GPR176: variants seen among roughly 807,000 people sequenced by gnomAD.
The protein encoded by GPR176 is G-protein coupled receptor 176.
In GPR176, 26 loss-of-function variants were observed where a neutral mutation model predicts 35.4. The ratio of observed to expected loss-of-function variants is 0.74; its 90% CI spans 0.54 to 1.02. The LOEUF (loss-of-function observed/expected upper bound fraction) is 1.02. Ranked by LOEUF, GPR176 falls within the 50% of genes least tolerant of loss-of-function variation. The pLI is 0.00. For missense variants in GPR176, 597 were observed against 665.3 expected (o/e 0.90, Z 1.13); for synonymous variants, 278 against 271.3 (o/e 1.02, Z -0.24).
At chr15:39,832,549 AG>A (rs1191034767) in intron 1 of GPR176, among the ~76,000 whole-genome samples, 23 of 152,120 alleles carry the variant, frequency 1.5e-4, no homozygotes, top group African/African-American at 5.3e-4. Context: ...TCCAGCTTCT[AG>A]AGCAAGGGTG....
rs766705556 is a variant in GPR176 at position 39,920,020 on chromosome 15, G to A, written c.7C>T (p.His3Tyr). ...TTTGGAGAGATCCAGCTCCCGTTATGTCCCATGGCGAGGCTGGGACTCCGG... is the reference window on the plus strand; with the variant it reads ...TTTGGAGAGATCCAGCTCCCGTTATATCCCATGGCGAGGCTGGGACTCCGG... MGHNGSWISPNAS... is the reference protein window; with the variant it reads MGYNGSWISPNAS... Residue 3 changes from histidine to tyrosine, a missense_variant, in exon 1 of 3, where the codon CAT becomes TAT. His to Tyr is a moderately conservative substitution (Grantham distance 83). Coordinates refer to ENST00000561100, the MANE Select transcript of GPR176 (RefSeq NM_007223.3). The A allele has an allele frequency of 8.1e-6, 11 of 1,350,950 alleles. No individual in the cohort carries two copies. The South Asian group carries it at 1.8e-4, about 22-fold the overall frequency. The allele number at this position is 1,350,950 out of a possible 1,614,324, so 83.7% of individuals were successfully genotyped here.
intron 1 of GPR176, among the ~76,000 whole-genome samples, chr15:39,915,465 T>C (rs2033701867): frequency 6.6e-6 from 1 of 152,152 alleles, no homozygotes; most frequent in Non-Finnish European, 1.5e-5. Context: ...ACATATGAAT[T>C]TGAGGGGGAA....
At chr15:39,907,718 T>C (rs1193066736) in intron 1 of GPR176, among the ~76,000 whole-genome samples, 1 of 152,208 alleles carries the variant, frequency 6.6e-6, no homozygotes, top group African/African-American at 2.4e-5. Flanking sequence ...CATCGAACAG[T>C]GCCAATATTT....
At chr15:39,895,118 G>A (rs574458129) in intron 1 of GPR176, among the ~76,000 whole-genome samples, 10 of 152,334 alleles carry the variant, frequency 6.6e-5, no homozygotes, top group African/African-American at 2.4e-4. Flanking sequence ...TACTCGGCAG[G>A]CTGAGTCAGG....
chr15:39,868,404 A>C (rs1285752042), intron 1 of GPR176, among the ~76,000 whole-genome samples: 1 of 152,182 alleles, frequency 6.6e-6, no homozygotes, highest in Non-Finnish European at 1.5e-5. Context: ...TGTGAGTATC[A>C]GGCAGCTTCT....
At chr15:39,874,641 T>C (rs112077227) in intron 1 of GPR176, among the ~76,000 whole-genome samples, 8 of 152,380 alleles carry the variant, frequency 5.3e-5, no homozygotes, top group African/African-American at 1.9e-4. Flanking sequence ...TTATCATCTT[T>C]ACTTTCTTAA....
intron 1 of GPR176, among the ~76,000 whole-genome samples, chr15:39,914,022 G>A (rs573835694): frequency 6.6e-6 from 1 of 152,234 alleles, no homozygotes; most frequent in South Asian, 2.1e-4. Context: ...CTCCAGCCTG[G>A]ACAACAGAGT....
intron 1 of GPR176, among the ~76,000 whole-genome samples, chr15:39,913,141 T>C (rs1252340323): frequency 6.6e-6 from 1 of 152,240 alleles, no homozygotes; most frequent in Non-Finnish European, 1.5e-5. Context: ...AAAGTGCTAA[T>C]ATATGCTAAA....
intron 1 of GPR176, among the ~76,000 whole-genome samples, chr15:39,859,491 G>GAAAAAA (rs34571204): frequency 1.4e-5 from 2 of 143,704 alleles, no homozygotes; most frequent in Non-Finnish European, 1.5e-5. Flanking sequence ...TGGCCACTGT[G>GAAAAAA]AAAAAAAAAA....
chr15:39,881,047 A>G (rs1430178875), intron 1 of GPR176, among the ~76,000 whole-genome samples: 2 of 152,058 alleles, frequency 1.3e-5, no homozygotes, highest in Non-Finnish European at 2.9e-5. Context: ...AGCCAGTTCC[A>G]TCTTGTGGGA....
chr15:39,916,924 A>G (rs767717483), intron 1 of GPR176, among the ~76,000 whole-genome samples: 53 of 152,224 alleles, frequency 3.5e-4, no homozygotes, highest in Admixed American at 2.9e-3. Flanking sequence ...AGACATTATC[A>G]GAATTCTAAT....
At chr15:39,858,616 A>G (rs1000951475) in intron 1 of GPR176, among the ~76,000 whole-genome samples, 5 of 152,176 alleles carry the variant, frequency 3.3e-5, no homozygotes, top group Admixed American at 2.0e-4. Flanking sequence ...GGGAAGCTGA[A>G]GAGGGAGGAT....
chr15:39,807,632 C>A (rs529271267), intron 1 of GPR176: 5 of 892,284 alleles, frequency 5.6e-6, no homozygotes, highest in African/African-American at 1.6e-5. Context: ...AACTCTGCAA[C>A]AGAAATACAG....
At chr15:39,917,127 C>A (rs1269180427) in intron 1 of GPR176, among the ~76,000 whole-genome samples, 1 of 151,786 alleles carries the variant, frequency 6.6e-6, no homozygotes, top group Non-Finnish European at 1.5e-5. Flanking sequence ...ACTAAAAATG[C>A]AAAAACTTAG....
chr15:39,875,920 CAT>C (rs35699619), intron 1 of GPR176, among the ~76,000 whole-genome samples: 69 of 148,548 alleles, frequency 4.6e-4, no homozygotes, highest in African/African-American at 1.6e-3. Flanking sequence ...ATGTTTAACT[CAT>C]ATATATATAT....
At chr15:39,854,682 C>T (rs1212493476) in intron 1 of GPR176, among the ~76,000 whole-genome samples, 2 of 152,162 alleles carry the variant, frequency 1.3e-5, no homozygotes, top group Admixed American at 1.3e-4. Context: ...TAGAGGAAGA[C>T]TCAACAGTGT....
chr15:39,883,454 G>A (rs1290259611), intron 1 of GPR176, among the ~76,000 whole-genome samples: 1 of 152,128 alleles, frequency 6.6e-6, no homozygotes, highest in African/African-American at 2.4e-5. Context: ...AATTCAAATA[G>A]TTTGGGGTAT....
chr15:39,868,332 G>T (rs1160115038), intron 1 of GPR176, among the ~76,000 whole-genome samples: 1 of 152,154 alleles, frequency 6.6e-6, no homozygotes, highest in East Asian at 1.9e-4. Flanking sequence ...CAGCAGAGTG[G>T]TTTTTCTCAA....
At chr15:39,855,681 A>G (rs901905823) in intron 1 of GPR176, among the ~76,000 whole-genome samples, 5 of 152,196 alleles carry the variant, frequency 3.3e-5, no homozygotes, top group African/African-American at 1.2e-4. Flanking sequence ...TCTGTTTAGT[A>G]ACTCAGTTGA....
Sources: allele counts gnomAD v4.1 joint callset (sites outside exome capture counted in the v4.1 genomes callset), GRCh38; gene constraint gnomAD v4.1.1; transcripts MANE v1.5; gene names NCBI Gene and HGNC (gene_info 2026-07-23, HGNC 2026-07-21).